DENND4C: variants seen among roughly 807,000 people sequenced by gnomAD.
DENND4C encodes DENN domain containing 4C.
In DENND4C, 108 loss-of-function variants were observed where a neutral mutation model predicts 203.0. That is an observed-to-expected ratio of 0.53 (90% confidence interval 0.46 to 0.62). The LOEUF (loss-of-function observed/expected upper bound fraction) is 0.62. Among genes scored for constraint, DENND4C ranks in the 20% least tolerant of loss-of-function variants. The probability of loss-of-function intolerance (pLI) is 0.00; values close to 1 mark genes in which losing one functional copy is unlikely to be tolerated. For missense variants in DENND4C, 2,481 were observed against 2,301.2 expected (o/e 1.08, Z -1.60); for synonymous variants, 871 against 792.4 (o/e 1.10, Z -1.67).
chr9:19,273,557 A>G (rs930764443), intron 1 of DENND4C, among the ~76,000 whole-genome samples: 9 of 152,068 alleles, frequency 5.9e-5, no homozygotes, highest in Admixed American at 2.0e-4. Flanking sequence ...ACTTGTCTCA[A>G]GAATACATAA....
chr9:19,244,554 C>A lies in DENND4C; in HGVS notation c.-18+13721C>A, dbSNP rs528446591. ...AAGAGATCGAGACCATCCTGGCTAACACAGTGAAACCCCATCTGTCCTAAA... is the reference window on the plus strand; with the variant it reads ...AAGAGATCGAGACCATCCTGGCTAAAACAGTGAAACCCCATCTGTCCTAAA... On this transcript the variant is annotated intron_variant, in intron 1 of 32. Coordinates refer to ENST00000434457, the MANE Select transcript of DENND4C (RefSeq NM_001330640.2). 1.3e-4 allele frequency among the ~76,000 whole-genome samples: 20 copies of A among 151,532 alleles called. No individual in the cohort carries two copies. The East Asian group carries it at 3.9e-3, about 30-fold the overall frequency.
At chr9:19,288,890 C>A (rs971636708) in intron 4 of DENND4C, among the ~76,000 whole-genome samples, 2 of 152,152 alleles carry the variant, frequency 1.3e-5, no homozygotes, top group African/African-American at 4.8e-5. Flanking sequence ...AAACATTTAT[C>A]TAAAGCAAAC....
intron 16 of DENND4C, among the ~76,000 whole-genome samples, chr9:19,328,560 C>G (rs1236174127): frequency 6.6e-6 from 1 of 152,058 alleles, no homozygotes; most frequent in South Asian, 2.1e-4. Flanking sequence ...TTGCAGTGAG[C>G]TGAGATTGTG....
At chr9:19,233,508 T>C (rs1405094331) in intron 1 of DENND4C, among the ~76,000 whole-genome samples, 1 of 152,166 alleles carries the variant, frequency 6.6e-6, no homozygotes, top group Admixed American at 6.5e-5. Flanking sequence ...TAAAACATTT[T>C]CTACATTTGT....
Position 19,336,375 on chromosome 9 carries a change from A to C in DENND4C, c.2695A>C (p.Lys899Gln), listed in dbSNP as rs751362729. 6.2e-7 allele frequency: 1 copy of C among 1,613,964 alleles called. No homozygotes were observed. The highest frequency in any genetic ancestry group is 8.5e-7 in the Non-Finnish European group (1 of 1,179,932). The part of the protein sequence containing the change: ...RGLAQFRQPL[K>Q]KTVQRSQVSS... ...CTTGGCACAGTTTAGGCAGCCGCTT[A>C]AAAAGACTGTGCAAAGGTCACAGGT... Residue 899 changes from lysine to glutamine, a missense_variant, in exon 19 of 33, where the codon AAA becomes CAA. Around this residue, in one of 3 missense-constraint regions of DENND4C, gnomAD observed 2,289 missense variants for 2,113.3 expected, o/e 1.08. Coordinates refer to ENST00000434457, the MANE Select transcript of DENND4C (RefSeq NM_001330640.2).
chr9:19,243,402 A>T (rs1011713952), intron 1 of DENND4C, among the ~76,000 whole-genome samples: 1 of 152,204 alleles, frequency 6.6e-6, no homozygotes, highest in African/African-American at 2.4e-5. Context: ...AAAATATGTA[A>T]TTCAGTGGTG....
chr9:19,331,911 C>A, intron 16 of DENND4C, 67 bp from the exon 17 acceptor site: 1 of 1,416,578 alleles, frequency 7.1e-7, no homozygotes, highest in Non-Finnish European at 9.6e-7. Flanking sequence ...TCTCCCTTTT[C>A]CTTCTCACTT....
At chr9:19,365,734 C>G (rs1477981527) in intron 30 of DENND4C, among the ~76,000 whole-genome samples, 1 of 109,414 alleles carries the variant, frequency 9.1e-6, no homozygotes, top group Non-Finnish European at 2.2e-5. Flanking sequence ...CAGCAAGGTT[C>G]CAGGCTATAA....
intron 10 of DENND4C, among the ~76,000 whole-genome samples, chr9:19,315,153 C>G (rs968814854): frequency 1.7e-3 from 84 of 49,796 alleles, no homozygotes; most frequent in Non-Finnish European, 2.8e-3. Flanking sequence ...GAGACTCCGT[C>G]TCAAAAAAAA....
chr9:19,303,901 G>A (rs1025647387), intron 9 of DENND4C, among the ~76,000 whole-genome samples: 2 of 151,472 alleles, frequency 1.3e-5, no homozygotes, highest in African/African-American at 4.8e-5. Flanking sequence ...TTGTGGAGAT[G>A]AGGGTCTCAC....
intron 30 of DENND4C, among the ~76,000 whole-genome samples, chr9:19,362,321 A>G (rs540762797): frequency 6.6e-6 from 1 of 152,154 alleles, no homozygotes; most frequent in South Asian, 2.1e-4. Context: ...AAGACTCAAA[A>G]TGGGAACAAC....
chr9:19,238,464 C>CCT (rs1199527509), intron 1 of DENND4C, among the ~76,000 whole-genome samples: 1 of 52,340 alleles, frequency 1.9e-5, no homozygotes, highest in Non-Finnish European at 3.8e-5. Flanking sequence ...CTCCCCTCCC[C>CCT]TCCCTCTCCC....
rs1456677474 is a variant in DENND4C, at chr9:19,328,657, G to GTCTGTCTGTCTATCTA, written c.2253+498_2253+499insGTCTGTCTATCTATCT. ...TGTCTGTCTGTCTGTCTGTCTGTCTGTCTATCTATCTATCTATCTATCTAT... is the reference window on the plus strand; with the variant it reads ...TGTCTGTCTGTCTGTCTGTCTGTCTGTCTGTCTGTCTATCTATCTATCTATCTATCTATCTATCTAT... On this transcript the variant is annotated intron_variant, in intron 16 of 32. Coordinates refer to ENST00000434457, the MANE Select transcript of DENND4C (RefSeq NM_001330640.2). 3.2e-3 allele frequency among the ~76,000 whole-genome samples: 387 copies of GTCTGTCTGTCTATCTA among 119,364 alleles called. 3 individuals carry two copies. The highest frequency in any genetic ancestry group is 0.013 in the African/African-American group (370 of 27,544). 78.3% of individuals were successfully genotyped at this position (119,364 alleles called of 152,430 possible).
At chr9:19,239,377 C>G (rs1419118513) in intron 1 of DENND4C, among the ~76,000 whole-genome samples, 1 of 151,898 alleles carries the variant, frequency 6.6e-6, no homozygotes, top group Non-Finnish European at 1.5e-5. Flanking sequence ...TATTTAATTT[C>G]TAAATACTGG....
intron 5 of DENND4C, among the ~76,000 whole-genome samples, chr9:19,294,381 A>C (rs1423507119): frequency 3.9e-5 from 6 of 152,148 alleles, no homozygotes; most frequent in Non-Finnish European, 8.8e-5. Flanking sequence ...TGTCAGCTTT[A>C]TCTTGTGTCA....
At chr9:19,310,939 A>C (rs1840614960) in intron 10 of DENND4C, among the ~76,000 whole-genome samples, 1 of 152,222 alleles carries the variant, frequency 6.6e-6, no homozygotes, top group African/African-American at 2.4e-5. Context: ...AAATTTGCTA[A>C]GAATTTAAGA....
chr9:19,283,499 T>C (rs1800274296), intron 2 of DENND4C, among the ~76,000 whole-genome samples: 1 of 152,176 alleles, frequency 6.6e-6, no homozygotes, highest in African/African-American at 2.4e-5. Flanking sequence ...GGCACCACCA[T>C]AGTATATGCA....
At chr9:19,299,615 C>A (rs1438338835) in intron 8 of DENND4C, among the ~76,000 whole-genome samples, 7 of 152,102 alleles carry the variant, frequency 4.6e-5, no homozygotes, top group African/African-American at 1.7e-4. Flanking sequence ...TGTCTCAAAT[C>A]CTTTTACTTC....
intron 1 of DENND4C, among the ~76,000 whole-genome samples, chr9:19,249,562 A>G (rs550064314): frequency 1.1e-4 from 16 of 152,244 alleles, no homozygotes; most frequent in Non-Finnish European, 2.1e-4. Context: ...GGCCACCAGT[A>G]GTAATTTTTT....
Sources: gnomAD v4.1 joint callset for allele counts (sites outside exome capture counted in the v4.1 genomes callset) on GRCh38, gnomAD v4.1.1 for gene constraint, gnomAD v4.1.1 regional missense constraint, MANE v1.5 for transcripts, NCBI Gene and HGNC (gene_info 2026-07-23, HGNC 2026-07-21) for gene names.